CTNNA1: variants seen among roughly 807,000 people sequenced by gnomAD.
The protein encoded by CTNNA1 is catenin alpha 1, also known as catenin alpha-1.
In CTNNA1, 37 loss-of-function variants were observed where a neutral mutation model predicts 98.4. The ratio of observed to expected loss-of-function variants is 0.38; its 90% CI spans 0.29 to 0.49. CTNNA1 has a LOEUF of 0.49. Among genes scored for constraint, CTNNA1 ranks in the 20% least tolerant of loss-of-function variants. The pLI is 0.95. For missense variants in CTNNA1, 761 were observed against 1,147.2 expected, an observed-to-expected ratio of 0.66 and a Z score of 4.86; for synonymous variants, 404 against 413.2, an observed-to-expected ratio of 0.98 and a Z score of 0.27.
intron 9 of CTNNA1, among the ~76,000 whole-genome samples, chr5:138,895,605 G>A (rs952520161): frequency 3.9e-5 from 6 of 152,006 alleles, no homozygotes; most frequent in Admixed American, 3.3e-4. Context: ...CTTAAAATAA[G>A]TATTTATAGA....
chr5:138,844,117 G>A (rs1762499027), intron 7 of CTNNA1, among the ~76,000 whole-genome samples: 2 of 150,688 alleles, frequency 1.3e-5, no homozygotes, highest in Admixed American at 1.3e-4. Context: ...ATAAAGAATG[G>A]CCACTCCATA....
chr5:138,792,011 T>C (rs940714567), intron 3 of CTNNA1, among the ~76,000 whole-genome samples: 2 of 151,966 alleles, frequency 1.3e-5, no homozygotes, highest in African/African-American at 4.8e-5. Flanking sequence ...AAACTGAGGG[T>C]CTCTTAGGGC....
At position 138,866,310 on chromosome 5, in the gene CTNNA1, A is replaced by ATTTAT. The variant is rs1554092220; in HGVS notation, c.1063-19899_1063-19895dup. 3.9e-3 allele frequency among the ~76,000 whole-genome samples: 566 copies of ATTTAT among 145,316 alleles called. 3 individuals carry two copies. The highest frequency in any genetic ancestry group is 0.015 in the African/African-American group (535 of 36,424). On this transcript the variant is annotated intron_variant, in intron 7 of 17. Coordinates refer to ENST00000302763, the MANE Select transcript of CTNNA1 (RefSeq NM_001903.5). ...TATTTATTTATTTATTTATTTATTT[A>ATTTAT]TTTATTTATTTATTTATTTTGGTAC...
chr5:138,915,638 CAA>C (rs1256616205), intron 10 of CTNNA1, among the ~76,000 whole-genome samples: 2 of 152,162 alleles, frequency 1.3e-5, no homozygotes, highest in Non-Finnish European at 2.9e-5. Context: ...TCATAATAGT[CAA>C]AGAGTGGCAA....
chr5:138,858,597 T>TTTC (rs755419869), intron 7 of CTNNA1, among the ~76,000 whole-genome samples: 25 of 133,314 alleles, frequency 1.9e-4, no homozygotes, highest in African/African-American at 5.9e-4. Context: ...TCTTTTTCTT[T>TTTC]TTTTTTTTTT....
intron 3 of CTNNA1, among the ~76,000 whole-genome samples, chr5:138,784,442 A>G (rs578139110): frequency 4.6e-5 from 7 of 152,330 alleles, no homozygotes; most frequent in African/African-American, 1.7e-4. Flanking sequence ...AGTGCCTTAG[A>G]TGGAGATAAC....
At chr5:138,762,568 G>A (rs1389605958) in intron 1 of CTNNA1, among the ~76,000 whole-genome samples, 7 of 151,538 alleles carry the variant, frequency 4.6e-5, no homozygotes, top group African/African-American at 1.2e-4. Flanking sequence ...CTTGAAATTA[G>A]CATGTATTTC....
chr5:138,932,524 G>A (rs779859088), intron 16 of CTNNA1, 54 bp from the exon 17 acceptor site: 319 of 1,601,252 alleles, frequency 2.0e-4, no homozygotes, highest in Non-Finnish European at 2.6e-4. Flanking sequence ...CCGTGGGGTC[G>A]GGGGTGCTTG....
chr5:138,840,308 C>T (rs1762165536), intron 7 of CTNNA1, among the ~76,000 whole-genome samples: 1 of 152,178 alleles, frequency 6.6e-6, no homozygotes, highest in Non-Finnish European at 1.5e-5. Flanking sequence ...TAGCAAAGAG[C>T]CAAAGTGGCA....
chr5:138,891,909 T>C (rs550039080), intron 9 of CTNNA1, among the ~76,000 whole-genome samples: 102 of 152,362 alleles, frequency 6.7e-4, no homozygotes, highest in Non-Finnish European at 1.2e-3. Flanking sequence ...TCCCATTCTT[T>C]GCAAAGTCAT....
chr5:138,776,244 C>G (rs1452144179), intron 1 of CTNNA1, among the ~76,000 whole-genome samples: 2 of 151,774 alleles, frequency 1.3e-5, no homozygotes, highest in Admixed American at 1.3e-4. Flanking sequence ...GTGGTGATGA[C>G]TCTTAACGAG....
At chr5:138,783,905 A>G (rs1482965671) in intron 3 of CTNNA1, among the ~76,000 whole-genome samples, 1 of 152,260 alleles carries the variant, frequency 6.6e-6, no homozygotes, top group African/African-American at 2.4e-5. Context: ...GGAGCTTGAC[A>G]TAAATCTGGG....
At position 138,873,881 on chromosome 5, in the gene CTNNA1, C is replaced by T. The variant is rs1442315678; in HGVS notation, c.1063-12331C>T. 7 of 1,613,854 alleles carry T rather than the reference C, an allele frequency of 4.3e-6. No homozygotes were observed. Among genetic ancestry groups the T allele is most frequent in the African/African-American group, 1.3e-5 (1 of 74,884 alleles). On this transcript the variant is annotated intron_variant, in intron 7 of 17. Coordinates refer to ENST00000302763, the MANE Select transcript of CTNNA1 (RefSeq NM_001903.5). The surrounding 1 kb of genome is among the most constrained non-coding windows in gnomAD (Gnocchi z 6.1). ...GAAGAGCGTGTGCAGACTGCTTAGC[C>T]GTAGGAAATGAGCAAAATTAATCTT...
intron 7 of CTNNA1, among the ~76,000 whole-genome samples, chr5:138,838,600 T>C (rs1762005538): frequency 6.6e-6 from 1 of 152,058 alleles, no homozygotes; most frequent in East Asian, 1.9e-4. Flanking sequence ...TCTGTCTGCT[T>C]ATTTTGGGTT....
intron 7 of CTNNA1, among the ~76,000 whole-genome samples, chr5:138,883,055 C>T (rs1753276950): frequency 6.6e-6 from 1 of 151,942 alleles, no homozygotes; most frequent in African/African-American, 2.4e-5. Flanking sequence ...CAGGCTGAAA[C>T]CAAAGGTTTC....
chr5:138,873,115 T>C lies in CTNNA1; in HGVS notation c.1063-13097T>C. The C allele has an allele frequency of 6.2e-7, 1 of 1,613,974 alleles. No individual in the cohort carries two copies. Among genetic ancestry groups the C allele is most frequent in the East Asian group, 2.2e-5 (1 of 44,874 alleles). ...GGGTGGGTTCATATTCATTATACGG[T>C]CCTTGGTCTGACATGTTTGACATAT... On this transcript the variant is annotated intron_variant, in intron 7 of 17. Transcript: ENST00000302763. The surrounding 1 kb of genome is among the most constrained non-coding windows in gnomAD (Gnocchi z 6.1).
intron 1 of CTNNA1, 189 bp downstream of exon 1, chr5:138,753,699 CCTT>C (rs898254270): frequency 6.1e-5 from 20 of 328,322 alleles, no homozygotes; most frequent in African/African-American, 3.7e-4. Flanking sequence ...GCCGGCGGTC[CCTT>C]CCCCCGCAGG....
intron 10 of CTNNA1, among the ~76,000 whole-genome samples, chr5:138,906,965 C>T (rs1043278512): frequency 6.6e-6 from 1 of 152,160 alleles, no homozygotes; most frequent in African/African-American, 2.4e-5. Flanking sequence ...GCTTTGACTT[C>T]ACCCCAGCCC....
chr5:138,814,172 T>G (rs994504943), intron 5 of CTNNA1, among the ~76,000 whole-genome samples: 2 of 152,210 alleles, frequency 1.3e-5, no homozygotes, highest in African/African-American at 4.8e-5. Flanking sequence ...AGATCCTGGT[T>G]TTGCATTTCT....
Sources: gnomAD v4.1 joint callset for allele counts (sites outside exome capture counted in the v4.1 genomes callset) on GRCh38, gnomAD v4.1.1 for gene constraint, Gnocchi (gnomAD v3.1) non-coding constraint, MANE v1.5 for transcripts, NCBI Gene and HGNC (gene_info 2026-07-23, HGNC 2026-07-21) for gene names.